SIL1: variants seen among roughly 807,000 people sequenced by gnomAD.
SIL1 encodes SIL1 nucleotide exchange factor.
SIL1 carries 40 observed loss-of-function variants against 49.1 expected under a neutral mutation model. The ratio of observed to expected loss-of-function variants is 0.81; its 90% CI spans 0.63 to 1.06. SIL1 has a LOEUF of 1.06. SIL1 is among the 50% of genes least tolerant of loss of function. SIL1 has a pLI of 0.00. For missense variants in SIL1, 500 were observed against 572.6 expected (o/e 0.87, Z 1.29); for synonymous variants, 253 against 250.8 (o/e 1.01, Z -0.08).
intron 5 of SIL1, among the ~76,000 whole-genome samples, chr5:139,028,001 C>A (rs956034998): frequency 1.3e-5 from 2 of 152,140 alleles, no homozygotes; most frequent in Non-Finnish European, 2.9e-5. Context: ...CATCCTGATT[C>A]TCTGGGCTAA....
intron 7 of SIL1, among the ~76,000 whole-genome samples, chr5:138,991,014 C>A (rs1022960015): frequency 2.0e-5 from 3 of 152,230 alleles, no homozygotes; most frequent in East Asian, 3.8e-4. Flanking sequence ...CCATGCCCCA[C>A]CCCCAGCCGG....
chr5:139,120,892 G>C (rs986722243), intron 3 of SIL1, 143 bp downstream of exon 3: 15 of 1,006,958 alleles, frequency 1.5e-5, no homozygotes, highest in Non-Finnish European at 2.2e-5. Flanking sequence ...CCCTGCAGCA[G>C]CAGCTACCAC....
chr5:139,123,471 C>T (rs944546930), intron 2 of SIL1, among the ~76,000 whole-genome samples: 2 of 152,146 alleles, frequency 1.3e-5, no homozygotes, highest in Non-Finnish European at 2.9e-5. Flanking sequence ...CTTCTGGGTG[C>T]CTTAGACTGA....
At chr5:138,996,141 G>C (rs867742704) in intron 7 of SIL1, among the ~76,000 whole-genome samples, 64 of 152,284 alleles carry the variant, frequency 4.2e-4, no homozygotes, top group African/African-American at 1.2e-3. Context: ...GTACTAATTT[G>C]CATTCCTACC....
chr5:139,026,459 T>G (rs1768651670), intron 6 of SIL1, among the ~76,000 whole-genome samples: 1 of 152,200 alleles, frequency 6.6e-6, no homozygotes, highest in Admixed American at 6.5e-5. Context: ...AAAAATTAGC[T>G]GGGCGTGGTG....
At chr5:139,120,860 C>T (rs1256284485) in intron 3 of SIL1, among the ~76,000 whole-genome samples, 175 bp downstream of exon 3, 3 of 152,226 alleles carry the variant, frequency 2.0e-5, no homozygotes, top group African/African-American at 7.2e-5. Context: ...CTCTGTTCTG[C>T]TGGAAAACGA....
chr5:139,097,265 C>T (rs1770488243), intron 3 of SIL1, among the ~76,000 whole-genome samples: 1 of 152,012 alleles, frequency 6.6e-6, no homozygotes, highest in African/African-American at 2.4e-5. Context: ...TCCCACATAG[C>T]ACCTGGGGGA....
At chr5:139,113,345 C>T (rs527656049) in intron 3 of SIL1, among the ~76,000 whole-genome samples, 1 of 151,472 alleles carries the variant, frequency 6.6e-6, no homozygotes, top group African/African-American at 2.4e-5. Flanking sequence ...AAAAAAGTTT[C>T]ACACCTTTAA....
At chr5:139,074,488 G>A (rs1011570405) in intron 3 of SIL1, among the ~76,000 whole-genome samples, 1 of 152,146 alleles carries the variant, frequency 6.6e-6, no homozygotes, top group Non-Finnish European at 1.5e-5. Flanking sequence ...CAGATATTTT[G>A]CTAGGGTTAG....
In SIL1 at chr5:139,021,289, C is replaced by G; in HGVS notation, c.649G>C (p.Asp217His). The change falls in exon 7 of 10, where the codon GAC becomes CAC. Residue 217 changes from aspartate to histidine, a missense_variant. Coordinates refer to ENST00000394817, the MANE Select transcript of SIL1 (RefSeq NM_022464.5). The stretch of plus-strand genomic sequence containing the variant: ...AAGGAAAGCAGGTCCTGCGCATTGT[C>G]CATCTGCAACAGAGCCACTGCTTAG... ...FDLEYYVHQM[D>H]NAQDLLSFGG... The G allele has an allele frequency of 6.2e-7, 1 of 1,614,142 alleles. No homozygotes were observed. Among genetic ancestry groups the G allele is most frequent in the South Asian group, 1.1e-5 (1 of 91,076 alleles).
At chr5:139,145,657 TG>T in intron 1 of SIL1, among the ~76,000 whole-genome samples, 1 of 148,916 alleles carries the variant, frequency 6.7e-6, no homozygotes. Context: ...TGTGTGTGTG[TG>T]TGTGTGTGTG....
chr5:139,191,968 G>A (rs1000206085), intron 1 of SIL1, among the ~76,000 whole-genome samples: 1 of 151,508 alleles, frequency 6.6e-6, no homozygotes, highest in African/African-American at 2.4e-5. Context: ...CCAGCTACTC[G>A]GAAGGCTGAG....
In SIL1 at chr5:138,951,441, C is replaced by T. The variant is rs56684027; in HGVS notation, c.865-106G>A. Reference sequence around the variant, plus strand: ...GCCCCAAATTAGTCCCCATTCCTCCCGGCCCCACCTCAGTTACAGCTATAC... The same window carrying T: ...GCCCCAAATTAGTCCCCATTCCTCCTGGCCCCACCTCAGTTACAGCTATAC... On this transcript the variant is annotated intron_variant, in intron 8 of 9. Transcript: ENST00000394817. The T allele has an allele frequency of 2.6e-3, 3,114 of 1,178,240 alleles. 28 individuals carry two copies. Among genetic ancestry groups the T allele is most frequent in the African/African-American group, 0.025 (1,657 of 65,864 alleles). 73.0% of individuals were successfully genotyped at this position (1,178,240 alleles called of 1,614,324 possible).
intron 1 of SIL1, among the ~76,000 whole-genome samples, chr5:139,176,024 C>G (rs145613097): frequency 1.2e-4 from 19 of 152,188 alleles, no homozygotes; most frequent in African/African-American, 3.9e-4. Flanking sequence ...GAGACAGTGT[C>G]TCACTCTGTG....
At chr5:139,026,584 C>T (rs982801444) in intron 6 of SIL1, among the ~76,000 whole-genome samples, 5 of 152,106 alleles carry the variant, frequency 3.3e-5, no homozygotes, top group African/African-American at 1.2e-4. Flanking sequence ...GGCTGGGTGA[C>T]CGAGTGAGAC....
Position 138,951,842 on chromosome 5 carries a change from C to T in SIL1, c.810G>A (p.Leu270=), listed in dbSNP as rs1244661386. Residue 270 remains leucine (L), a synonymous_variant, in exon 8 of 10, where the codon CTG becomes CTA. Transcript: ENST00000394817. The stretch of plus-strand genomic sequence containing the variant: ...TGGCCAGGATGACCAGCAGCTTCTG[C>T]AGGGCTCCCCCTTCGATGGCCTCCA... ...VQVEAIEGGA[L]QKLLVILATE... is the part of the protein sequence containing the mutation. The T allele has an allele frequency of 6.2e-7, 1 of 1,614,066 alleles. No individual in the cohort carries two copies. The highest frequency in any genetic ancestry group is 1.7e-5 in the Admixed American group (1 of 60,032).
intron 1 of SIL1, among the ~76,000 whole-genome samples, chr5:139,192,264 C>G (rs560275626): frequency 1.1e-3 from 169 of 151,814 alleles, no homozygotes; most frequent in African/African-American, 3.7e-3. Flanking sequence ...GCTTTCCTCA[C>G]CAGAACTTTA....
Position 138,949,810 on chromosome 5 carries a change from A to G in SIL1, c.1029+1361T>C, listed in dbSNP as rs866656057. Among the ~76,000 whole-genome samples, 678 of 141,324 alleles carry G rather than the reference A, an allele frequency of 4.8e-3. 10 individuals are homozygous for G. The highest frequency in any genetic ancestry group is 0.014 in the African/African-American group (439 of 32,122). 92.7% of individuals were successfully genotyped at this position (141,324 alleles called of 152,430 possible). On this transcript the variant is annotated intron_variant, in intron 9 of 9. Transcript: ENST00000394817. ...AGAGACCCTGTCTCAAAAAAAAAAA[A>G]AAAAAAGAAAAAAGAAAAGAAAAGA...
chr5:139,057,389 A>C (rs1385849889), intron 3 of SIL1, among the ~76,000 whole-genome samples: 1 of 151,732 alleles, frequency 6.6e-6, no homozygotes, highest in Non-Finnish European at 1.5e-5. Flanking sequence ...ACCCACGGAG[A>C]AGAAACAAGT....
Sources: allele counts gnomAD v4.1 joint callset (sites outside exome capture counted in the v4.1 genomes callset), GRCh38; gene constraint gnomAD v4.1.1; transcripts MANE v1.5; gene names NCBI Gene and HGNC (gene_info 2026-07-23, HGNC 2026-07-21).